Variants in KHDRBS2 observed in about 807,000 individuals in gnomAD.
KHDRBS2 encodes the protein KH domain-containing, RNA-binding, signal transduction-associated protein 2.
KHDRBS2 carries 26 observed loss-of-function variants against 44.3 expected under a neutral mutation model. That is an observed-to-expected ratio of 0.59 (90% CI 0.43 to 0.81). The LOEUF is 0.81. Ranked by LOEUF, KHDRBS2 falls within the 40% of genes least tolerant of loss-of-function variation. The probability of loss-of-function intolerance (pLI) is 0.00; values close to 1 mark genes in which losing one functional copy is unlikely to be tolerated. For missense variants in KHDRBS2, 476 were observed against 433.1 expected, an observed-to-expected ratio of 1.10 and a Z score of -0.88; for synonymous variants, 194 against 151.1, an observed-to-expected ratio of 1.28 and a Z score of -2.08.
At chr6:61,674,640 T>C in the KHDRBS2 span, among the ~76,000 whole-genome samples, 5 of 151,890 alleles carry the variant, frequency 3.3e-5, no homozygotes, top group African/African-American at 1.2e-4. Context: ...TCATAAATCA[T>C]GTAATCAACT....
chr6:62,218,961 T>C (rs1830450599), intron 1 of KHDRBS2, among the ~76,000 whole-genome samples: 1 of 151,824 alleles, frequency 6.6e-6, no homozygotes, highest in Non-Finnish European at 1.5e-5. Flanking sequence ...ATAATATGTA[T>C]GTGGACATAC....
chr6:61,855,719 G>A (rs1796060110), intron 6 of KHDRBS2, among the ~76,000 whole-genome samples: 1 of 151,814 alleles, frequency 6.6e-6, no homozygotes, highest in Non-Finnish European at 1.5e-5. Context: ...GAGGTTCCAG[G>A]GTACTCAATG....
intron 6 of KHDRBS2, among the ~76,000 whole-genome samples, chr6:61,767,841 T>G (rs1290859876): frequency 6.6e-6 from 1 of 152,154 alleles, no homozygotes; most frequent in East Asian, 1.9e-4. Flanking sequence ...GTCTGTGTCT[T>G]GAGAAGTTGT....
chr6:61,983,224 CTTTCTTTCTTTCT>C (rs1444726179), intron 3 of KHDRBS2, among the ~76,000 whole-genome samples: 2 of 82,904 alleles, frequency 2.4e-5, no homozygotes, highest in East Asian at 6.4e-4. Context: ...TTCTTTCTTT[CTTTCTTTCTTTCT>C]TTTTTTTTTT....
At chr6:61,561,708 G>T in the KHDRBS2 span, among the ~76,000 whole-genome samples, 1 of 152,158 alleles carries the variant, frequency 6.6e-6, no homozygotes, top group Non-Finnish European at 1.5e-5. Flanking sequence ...AGCTTGTGGT[G>T]AATGCTGCCA....
At chr6:61,729,836 A>C (rs1243392050) in intron 7 of KHDRBS2, among the ~76,000 whole-genome samples, 2 of 152,144 alleles carry the variant, frequency 1.3e-5, no homozygotes, top group African/African-American at 4.8e-5. Context: ...CATATTTTGG[A>C]TACAATCAAA....
chr6:62,266,650 G>A (rs1425286572), intron 1 of KHDRBS2, among the ~76,000 whole-genome samples: 1 of 151,854 alleles, frequency 6.6e-6, no homozygotes, highest in Admixed American at 6.6e-5. Flanking sequence ...ATTTCTGGGG[G>A]AATTTGTAAG....
At chr6:61,658,890 A>G in the KHDRBS2 span, among the ~76,000 whole-genome samples, 1 of 151,876 alleles carries the variant, frequency 6.6e-6, no homozygotes, top group Non-Finnish European at 1.5e-5. Context: ...AAATTTCCAC[A>G]CTTTTTATTT....
chr6:61,828,116 A>T (rs1791206550), intron 6 of KHDRBS2, among the ~76,000 whole-genome samples: 1 of 152,148 alleles, frequency 6.6e-6, no homozygotes, highest in East Asian at 1.9e-4. Context: ...TGATGTTCAG[A>T]CCTCTCTATC....
chr6:61,670,865 G>C, the KHDRBS2 span, among the ~76,000 whole-genome samples: 1 of 151,428 alleles, frequency 6.6e-6, no homozygotes, highest in Non-Finnish European at 1.5e-5. Context: ...GGTTTACAAT[G>C]GACACGTATT....
the KHDRBS2 span, among the ~76,000 whole-genome samples, chr6:61,638,537 C>G: frequency 5.1e-4 from 78 of 152,204 alleles, 2 homozygotes; most frequent in South Asian, 0.016. Context: ...AGCCTTAGAC[C>G]TAAAACCATA....
intron 6 of KHDRBS2, among the ~76,000 whole-genome samples, chr6:61,845,527 T>C (rs1794276132): frequency 6.6e-6 from 1 of 152,160 alleles, no homozygotes; most frequent in Non-Finnish European, 1.5e-5. Flanking sequence ...GCCAGGATGG[T>C]CTCGATCTCT....
intron 6 of KHDRBS2, among the ~76,000 whole-genome samples, chr6:61,779,738 T>C (rs1232013608): frequency 1.3e-5 from 2 of 152,150 alleles, no homozygotes. Context: ...GTTTCAGGCA[T>C]TGTGCTACAT....
intron 3 of KHDRBS2, among the ~76,000 whole-genome samples, chr6:62,031,538 G>A (rs1187286735): frequency 6.6e-6 from 1 of 152,060 alleles, no homozygotes; most frequent in East Asian, 1.9e-4. Context: ...CCCAGGCCAG[G>A]AAGCATTCAC....
At chr6:61,845,196 G>A (rs562100418) in intron 6 of KHDRBS2, among the ~76,000 whole-genome samples, 64 of 152,102 alleles carry the variant, frequency 4.2e-4, no homozygotes, top group African/African-American at 1.3e-3. Context: ...ATTCAAAAAC[G>A]TGTAGCTTTT....
intron 6 of KHDRBS2, among the ~76,000 whole-genome samples, chr6:61,886,798 A>G (rs1801016455): frequency 6.6e-6 from 1 of 152,184 alleles, no homozygotes; most frequent in Admixed American, 6.5e-5. Context: ...TGTTGGACTA[A>G]TGCTATCTCT....
intron 4 of KHDRBS2, among the ~76,000 whole-genome samples, chr6:61,917,116 C>A (rs569882769): frequency 6.6e-6 from 1 of 151,630 alleles, no homozygotes; most frequent in South Asian, 2.1e-4. Flanking sequence ...GAGTTGAAAA[C>A]TTACATGCGC....
intron 3 of KHDRBS2, among the ~76,000 whole-genome samples, chr6:61,999,936 A>G (rs1484062443): frequency 1.3e-5 from 2 of 152,178 alleles, no homozygotes; most frequent in Non-Finnish European, 2.9e-5. Flanking sequence ...TACACATTAA[A>G]GTTATTTTCC....
chr6:61,761,358 C>T (rs1162255864), intron 6 of KHDRBS2, among the ~76,000 whole-genome samples: 3 of 152,168 alleles, frequency 2.0e-5, no homozygotes, highest in Non-Finnish European at 2.9e-5. Context: ...TTCCTATAAA[C>T]ACCTATTGAT....
Sources: gnomAD v4.1 joint callset for allele counts (sites outside exome capture counted in the v4.1 genomes callset) on GRCh38, gnomAD v4.1.1 for gene constraint, MANE v1.5 for transcripts, NCBI Gene and HGNC (gene_info 2026-07-23, HGNC 2026-07-21) for gene names.